ATL2: variants seen among roughly 807,000 people sequenced by gnomAD.
ATL2 encodes the protein atlastin GTPase 2.
In ATL2, 31 loss-of-function variants were observed where a neutral mutation model predicts 73.9. The ratio of observed to expected loss-of-function variants is 0.42; its 90% CI spans 0.32 to 0.57. ATL2 has a LOEUF of 0.57. Among genes scored for constraint, ATL2 ranks in the 20% least tolerant of loss-of-function variants. The pLI, the probability that ATL2 is intolerant of heterozygous loss-of-function variation, is 0.14. For missense variants in ATL2, 738 were observed against 702.6 expected (o/e 1.05, Z -0.57); for synonymous variants, 291 against 237.5 (o/e 1.23, Z -2.07).
intron 9 of ATL2, among the ~76,000 whole-genome samples, chr2:38,303,624 T>C (rs6544149): frequency 0.1 from 15,712 of 151,816 alleles, 2,712 homozygotes; most frequent in African/African-American, 0.36. Context: ...ATCTAGAAAA[T>C]AGCCCCAAAA....
At chr2:38,372,906 C>T (rs1345188765) in intron 1 of ATL2, among the ~76,000 whole-genome samples, 1 of 152,146 alleles carries the variant, frequency 6.6e-6, no homozygotes, top group Non-Finnish European at 1.5e-5. Flanking sequence ...CACCCTTGCC[C>T]AAACTAAATC....
In ATL2 at chr2:38,294,640, C is replaced by CAAAA. The variant is rs34388748; in HGVS notation, c.*1350_*1353dup. Among the ~76,000 whole-genome samples, 83 of 142,424 alleles carry CAAAA rather than the reference C, an allele frequency of 5.8e-4. 1 individual carries two copies. The highest frequency in any genetic ancestry group is 1.9e-3 in the African/African-American group (72 of 38,494). 93.4% of individuals were successfully genotyped at this position (142,424 alleles called of 152,430 possible). The stretch of plus-strand genomic sequence containing the variant: ...AAAATGCTAGCCTTACATATACCAC[C>CAAAA]AAAAAAAAAAAAAGAGAGAGAAAGA... On this transcript the variant is annotated 3_prime_UTR_variant, in exon 13 of 13. Coordinates refer to ENST00000378954, the MANE Select transcript of ATL2 (RefSeq NM_001135673.4).
At chr2:38,335,663 G>C (rs1669315430) in intron 2 of ATL2, among the ~76,000 whole-genome samples, 1 of 148,738 alleles carries the variant, frequency 6.7e-6, no homozygotes, top group South Asian at 2.1e-4. Context: ...GAGAGACAGT[G>C]GTTACTATAA....
At chr2:38,376,313 G>A (rs1026144200) in intron 1 of ATL2, 6 of 1,273,216 alleles carry the variant, frequency 4.7e-6, no homozygotes, top group East Asian at 2.6e-5. Context: ...TCTTCGAGGG[G>A]GCAGGGGCGC....
chr2:38,343,177 AAGATATAG>A, intron 2 of ATL2, 83 bp downstream of exon 2: 1 of 541,660 alleles, frequency 1.8e-6, no homozygotes, highest in Non-Finnish European at 2.8e-6. Flanking sequence ...AAAAAAAAAA[AAGATATAG>A]TTCTGGTTTT....
intron 1 of ATL2, among the ~76,000 whole-genome samples, chr2:38,344,556 G>T (rs945170891): frequency 6.6e-6 from 1 of 152,200 alleles, no homozygotes; most frequent in Admixed American, 6.5e-5. Context: ...GTTGCAGTGA[G>T]CTGAGATTGC....
chr2:38,366,288 T>A (rs1671328474), intron 1 of ATL2, among the ~76,000 whole-genome samples: 1 of 152,150 alleles, frequency 6.6e-6, no homozygotes, highest in South Asian at 2.1e-4. Flanking sequence ...CCTCAGATAA[T>A]TTTTCCAGGA....
At chr2:38,323,358 T>G (rs1282950288) in intron 2 of ATL2, among the ~76,000 whole-genome samples, 1 of 135,708 alleles carries the variant, frequency 7.4e-6, no homozygotes, top group African/African-American at 2.9e-5. Context: ...AGTTTTTTTT[T>G]TTTTTTTTTT....
rs1207974199 is a variant in ATL2 at position 38,313,181 on chromosome 2, A to C, written c.774T>G (p.Gly258=). 3.7e-6 allele frequency: 6 copies of C among 1,613,322 alleles called. No individual in the cohort carries two copies. In the African/African-American group the frequency reaches 6.7e-5, roughly 18 times the overall value. ...ATCTCTTTTCAAGAAATTGCTTTCC[A>C]CCTTCCAAACCATATGAATGTTCAT... ...YPYEHSYGLE[G]GKQFLEKRLQ... is the part of the protein sequence containing the mutation. The change falls in exon 7 of 13, where the codon GGT becomes GGG. Residue 258 remains glycine (G), a synonymous_variant. Transcript: ENST00000378954.
intron 2 of ATL2, among the ~76,000 whole-genome samples, chr2:38,323,447 C>T (rs938420747): frequency 2.0e-5 from 3 of 146,642 alleles, no homozygotes; most frequent in Non-Finnish European, 4.5e-5. Flanking sequence ...CCTCCCACCT[C>T]AGCACCTCAG....
intron 2 of ATL2, among the ~76,000 whole-genome samples, 166 bp from the exon 3 acceptor site, chr2:38,319,185 G>A (rs1437914797): frequency 1.3e-5 from 2 of 152,206 alleles, no homozygotes; most frequent in African/African-American, 4.8e-5. Flanking sequence ...AATCCCATGT[G>A]GGGTTCTTTT....
chr2:38,373,869 T>C (rs1326044925), intron 1 of ATL2, among the ~76,000 whole-genome samples: 1 of 152,220 alleles, frequency 6.6e-6, no homozygotes, highest in Non-Finnish European at 1.5e-5. Context: ...CCATCATATT[T>C]TCAGGTTGGT....
intron 1 of ATL2, chr2:38,354,104 A>G (rs1253615152): frequency 2.5e-6 from 1 of 394,870 alleles, no homozygotes; most frequent in African/African-American, 2.2e-5. Flanking sequence ...AGGCAGAGGA[A>G]TCACTTGAAC....
intron 1 of ATL2, among the ~76,000 whole-genome samples, chr2:38,375,024 T>C (rs778154408): frequency 7.2e-5 from 11 of 152,168 alleles, no homozygotes; most frequent in Non-Finnish European, 1.6e-4. Context: ...CTAAATAGAT[T>C]TAATCATATC....
chr2:38,374,790 G>A (rs1176471101), intron 1 of ATL2, among the ~76,000 whole-genome samples: 1 of 152,130 alleles, frequency 6.6e-6, no homozygotes, highest in Non-Finnish European at 1.5e-5. Context: ...GCCTAATTTT[G>A]GAAAAGGTCT....
At chr2:38,344,225 T>C (rs1466647874) in intron 1 of ATL2, among the ~76,000 whole-genome samples, 2 of 152,120 alleles carry the variant, frequency 1.3e-5, no homozygotes, top group African/African-American at 2.4e-5. Flanking sequence ...GAAAAATCAA[T>C]TTCACCTGAT....
chr2:38,364,449 C>G (rs1328021840), intron 1 of ATL2, among the ~76,000 whole-genome samples: 1 of 151,818 alleles, frequency 6.6e-6, no homozygotes, highest in East Asian at 1.9e-4. Flanking sequence ...TTCAAGAGCC[C>G]GAATATAAAG....
chr2:38,362,944 A>G (rs1197851374), intron 1 of ATL2, among the ~76,000 whole-genome samples: 10 of 152,348 alleles, frequency 6.6e-5, no homozygotes, highest in African/African-American at 2.4e-4. Flanking sequence ...GAAAAGAGGA[A>G]AACATTATTA....
intron 2 of ATL2, among the ~76,000 whole-genome samples, chr2:38,326,022 G>GAATAATCTC (rs1346450704): frequency 6.6e-6 from 1 of 151,832 alleles, no homozygotes; most frequent in Admixed American, 6.6e-5. Context: ...TCAGGAGACT[G>GAATAATCTC]AGCTCAGGAG....
Sources: gnomAD v4.1 joint callset for allele counts (sites outside exome capture counted in the v4.1 genomes callset) on GRCh38, gnomAD v4.1.1 for gene constraint, MANE v1.5 for transcripts, NCBI Gene and HGNC (gene_info 2026-07-23, HGNC 2026-07-21) for gene names.